The following CTTN variants were observed in gnomAD, a reference collection of about 807,000 sequenced individuals.
CTTN encodes cortactin, also known as src substrate cortactin.
A neutral mutation model predicts 84.0 loss-of-function variants in CTTN; 28 were observed. The ratio of observed to expected loss-of-function variants is 0.33; its 90% CI spans 0.25 to 0.46. The LOEUF (loss-of-function observed/expected upper bound fraction) is 0.46, where lower values mean the gene tolerates loss of function less well. Ranked by LOEUF, CTTN falls within the 20% of genes least tolerant of loss-of-function variation. The pLI is 1.00. For missense variants in CTTN, 641 were observed against 723.8 expected (o/e 0.89, Z 1.31); for synonymous variants, 301 against 288.8 (o/e 1.04, Z -0.43).
chr11:70,420,286 G>A, intron 9 of CTTN, 114 bp from the exon 10 acceptor site: 1 of 735,560 alleles, frequency 1.4e-6, no homozygotes, highest in South Asian at 1.6e-5. Flanking sequence ...AGATCCGGAA[G>A]GGAAGAGTAG....
At chr11:70,425,809 T>C (rs1054186146) in intron 13 of CTTN, among the ~76,000 whole-genome samples, 8 of 152,158 alleles carry the variant, frequency 5.3e-5, no homozygotes, top group African/African-American at 1.9e-4. Context: ...GCAGACATTC[T>C]CTCTGCTGCT....
intron 6 of CTTN, 61 bp from the exon 7 acceptor site, chr11:70,415,602 T>C: frequency 7.3e-7 from 1 of 1,375,630 alleles, no homozygotes; most frequent in Non-Finnish European, 1.0e-6. Flanking sequence ...TCAGAGAGAT[T>C]GTTTCAGGGA....
intron 15 of CTTN, among the ~76,000 whole-genome samples, chr11:70,432,832 T>C (rs190176588): frequency 1.3e-5 from 2 of 152,154 alleles, no homozygotes; most frequent in East Asian, 3.9e-4. Context: ...GCGTGTCTCC[T>C]AACCTGCTGT....
intron 14 of CTTN, 55 bp downstream of exon 14, chr11:70,429,254 G>A: frequency 6.4e-7 from 1 of 1,566,574 alleles, no homozygotes; most frequent in South Asian, 1.1e-5. Flanking sequence ...GTGCCGAGGG[G>A]ATTGGGAGCT....
intron 1 of CTTN, among the ~76,000 whole-genome samples, chr11:70,401,480 G>T (rs569291935): frequency 6.8e-6 from 1 of 147,618 alleles, no homozygotes; most frequent in South Asian, 2.2e-4. Context: ...CATCTCAAAA[G>T]AAAAAAGAAA....
chr11:70,416,670 TG>T (rs1565492557), intron 7 of CTTN: 1 of 193,886 alleles, frequency 5.2e-6, no homozygotes, highest in African/African-American at 2.3e-5. Context: ...TGGCCTCAAG[TG>T]ATCCGCCCAC....
chr11:70,422,289 T>A (rs2058246184), intron 11 of CTTN: 1 of 357,302 alleles, frequency 2.8e-6, no homozygotes, highest in African/African-American at 2.1e-5. Flanking sequence ...CAGGGAAGAC[T>A]CTAGGCTTTC....
At chr11:70,426,182 C>T (rs538086273) in intron 13 of CTTN, among the ~76,000 whole-genome samples, 13 of 152,072 alleles carry the variant, frequency 8.5e-5, no homozygotes, top group African/African-American at 2.2e-4. Flanking sequence ...CCAAGACGGG[C>T]GGATCACGAG....
intron 9 of CTTN, 198 bp downstream of exon 9, chr11:70,420,054 C>A: frequency 1.6e-6 from 1 of 610,104 alleles, no homozygotes; most frequent in Non-Finnish European, 2.9e-6. Flanking sequence ...TGTTATGGCG[C>A]TCCAGCCCCA....
intron 14 of CTTN, among the ~76,000 whole-genome samples, 192 bp downstream of exon 14, chr11:70,429,391 C>A (rs2058331145): frequency 6.6e-6 from 1 of 152,180 alleles, no homozygotes; most frequent in African/African-American, 2.4e-5. Context: ...AGTCTCTGGC[C>A]ACAATGCTCC....
At position 70,435,789 on chromosome 11, in the gene CTTN, G is replaced by A. The variant is rs1219834043; in HGVS notation, c.*627G>A. 6.9e-6 allele frequency: 11 copies of A among 1,584,724 alleles called. No individual in the cohort carries two copies. The highest frequency in any genetic ancestry group is 2.2e-5 in the East Asian group (1 of 44,478). On this transcript the variant is annotated 3_prime_UTR_variant, in exon 18 of 18. Coordinates refer to ENST00000301843, the MANE Select transcript of CTTN (RefSeq NM_005231.4). ...CTGGTTTTTTTCCTGTGCCCACTCC[G>A]GCTTGTCCTCATCTCTACCCATCCC...
chr11:70,428,389 C>G (rs768351873), intron 13 of CTTN, among the ~76,000 whole-genome samples: 37 of 152,172 alleles, frequency 2.4e-4, no homozygotes, highest in Middle Eastern at 3.4e-3. Flanking sequence ...TGGTCTTGAT[C>G]TCTTGACCTC....
intron 13 of CTTN, among the ~76,000 whole-genome samples, chr11:70,425,793 G>A (rs539697590): frequency 6.6e-6 from 1 of 152,298 alleles, no homozygotes; most frequent in Non-Finnish European, 1.5e-5. Context: ...CGATGTGCAG[G>A]CGACAGCAGA....
At chr11:70,427,554 G>A (rs2058313112) in intron 13 of CTTN, among the ~76,000 whole-genome samples, 1 of 152,256 alleles carries the variant, frequency 6.6e-6, no homozygotes, top group Non-Finnish European at 1.5e-5. Context: ...GATTGGGAAA[G>A]GGAGGAGTGT....
At chr11:70,423,493 G>A (rs988845537) in intron 12 of CTTN, among the ~76,000 whole-genome samples, 1 of 152,236 alleles carries the variant, frequency 6.6e-6, no homozygotes, top group Non-Finnish European at 1.5e-5. Flanking sequence ...GGGTGGCAGG[G>A]TCAGTCCTTG....
In CTTN at chr11:70,414,597, A is replaced by T. The variant is rs768037004; in HGVS notation, c.347A>T (p.Asp116Val). 6.2e-7 allele frequency: 1 copy of T among 1,613,930 alleles called. No homozygotes were observed. The change falls in exon 6 of 18, where the codon GAC becomes GTC. Residue 116 changes from aspartate (D) to valine (V), a missense_variant. By Grantham distance (152) the Asp-to-Val change is radical (BLOSUM62 -3). Around this residue, in one of 3 missense-constraint regions of CTTN, gnomAD observed 284 missense variants for 348.4 expected, o/e 0.82. Transcript: ENST00000301843. Reference sequence around the variant, plus strand: ...CTTTCCAAGCACTGCTCGCAGGTGGACTCGGTCCGTGGCTTCGGAGGCAAG... The same window carrying T: ...CTTTCCAAGCACTGCTCGCAGGTGGTCTCGGTCCGTGGCTTCGGAGGCAAG... Reference protein sequence around the residue: ...SKLSKHCSQVDSVRGFGGKFG... With the variant: ...SKLSKHCSQVVSVRGFGGKFG...
At chr11:70,413,144 A>G (rs1032133079) in intron 5 of CTTN, among the ~76,000 whole-genome samples, 1 of 152,254 alleles carries the variant, frequency 6.6e-6, no homozygotes, top group African/African-American at 2.4e-5. Flanking sequence ...GCTTAGGGCA[A>G]GACCTGCTTT....
intron 8 of CTTN, among the ~76,000 whole-genome samples, chr11:70,418,735 T>C (rs2058192471): frequency 6.6e-6 from 1 of 152,094 alleles, no homozygotes; most frequent in African/African-American, 2.4e-5. Context: ...AGCTTCTGGA[T>C]GCAATGGATG....
At chr11:70,418,849 T>C (rs1171559591) in intron 8 of CTTN, among the ~76,000 whole-genome samples, 1 of 151,030 alleles carries the variant, frequency 6.6e-6, no homozygotes, top group Non-Finnish European at 1.5e-5. Flanking sequence ...CGATCTCAGC[T>C]CAGTGCAACC....
Sources: gnomAD v4.1 joint callset for allele counts (sites outside exome capture counted in the v4.1 genomes callset) on GRCh38, gnomAD v4.1.1 for gene constraint, gnomAD v4.1.1 regional missense constraint, MANE v1.5 for transcripts, NCBI Gene and HGNC (gene_info 2026-07-23, HGNC 2026-07-21) for gene names.